The following ARHGEF2 variants were observed in gnomAD, a reference collection of about 807,000 sequenced individuals.
ARHGEF2 encodes the protein Rho/Rac guanine nucleotide exchange factor 2, also known as rho guanine nucleotide exchange factor 2.
In ARHGEF2, 22 loss-of-function variants were observed where a neutral mutation model predicts 121.0. That is an observed-to-expected ratio of 0.18 (90% CI 0.13 to 0.26). The LOEUF (loss-of-function observed/expected upper bound fraction) is 0.26. Among genes scored for constraint, ARHGEF2 ranks in the 10% least tolerant of loss-of-function variants. The pLI, the probability that ARHGEF2 is intolerant of heterozygous loss-of-function variation, is 1.00. For missense variants in ARHGEF2, 907 were observed against 1,336.0 expected, an observed-to-expected ratio of 0.68 and a Z score of 5.01; for synonymous variants, 487 against 530.0, an observed-to-expected ratio of 0.92 and a Z score of 1.11.
intron 14 of ARHGEF2, 89 bp downstream of exon 14, chr1:155,954,813 G>A: frequency 7.9e-7 from 1 of 1,269,196 alleles, no homozygotes; most frequent in Admixed American, 1.9e-5. Context: ...AGCCCTCATA[G>A]AGCCATCTCA....
At chr1:155,972,896 G>C (rs377044410) in intron 1 of ARHGEF2, among the ~76,000 whole-genome samples, 7 of 151,762 alleles carry the variant, frequency 4.6e-5, no homozygotes, top group African/African-American at 1.7e-4. Flanking sequence ...TAGAGACAGC[G>C]TCTTGCTATG....
chr1:155,978,638 C>A, upstream of ARHGEF2: 1 of 1,204,674 alleles, frequency 8.3e-7, no homozygotes, highest in Non-Finnish European at 1.0e-6. This position sits in a 1 kb window ranked among gnomAD's most constrained non-coding sequence, Gnocchi z 4.1. Flanking sequence ...GGAGGGAGGG[C>A]GGGGTGCCCG....
At chr1:155,964,189 T>TATATAC (rs1678820825) in intron 7 of ARHGEF2, among the ~76,000 whole-genome samples, 2 of 125,540 alleles carry the variant, frequency 1.6e-5, no homozygotes, top group African/African-American at 6.8e-5. Flanking sequence ...TATATATATA[T>TATATAC]ATATATATAC....
At chr1:155,967,811 C>T (rs1356080787) in intron 2 of ARHGEF2, among the ~76,000 whole-genome samples, 1 of 152,174 alleles carries the variant, frequency 6.6e-6, no homozygotes, top group Non-Finnish European at 1.5e-5. Context: ...CAGCTCCCGG[C>T]CCTCTCCAGC....
intron 12 of ARHGEF2, 52 bp from the exon 13 acceptor site, chr1:155,957,934 A>G (rs1404529000): frequency 6.4e-7 from 1 of 1,569,738 alleles, no homozygotes; most frequent in Non-Finnish European, 8.7e-7. Context: ...GTCCCTTGGC[A>G]TATTTAGGCC....
chr1:155,962,738 G>A lies in ARHGEF2; in HGVS notation c.976-20C>T. 2 of 1,613,980 alleles carry A rather than the reference G, an allele frequency of 1.2e-6. No homozygotes were observed. Among genetic ancestry groups the A allele is most frequent in the Non-Finnish European group, 1.7e-6 (2 of 1,179,914 alleles). On this transcript the variant is annotated intron_variant, in intron 8 of 21. Transcript: ENST00000361247. The surrounding 1 kb of genome is among the most constrained non-coding windows in gnomAD (Gnocchi z 5.8). Reference sequence around the variant, plus strand: ...TGAGAACTAGAAGTTGGTCGAGTAAGGTTAGGTCAGCATTCCCCCAAAGCC... The same window carrying A: ...TGAGAACTAGAAGTTGGTCGAGTAAAGTTAGGTCAGCATTCCCCCAAAGCC...
At chr1:155,964,387 A>C (rs897489082) in intron 7 of ARHGEF2, among the ~76,000 whole-genome samples, 8 of 151,152 alleles carry the variant, frequency 5.3e-5, no homozygotes, top group Non-Finnish European at 8.8e-5. Flanking sequence ...GCTGTGAGCT[A>C]TTTTAGGGTA....
In ARHGEF2 at chr1:155,963,091, G is replaced by C; in HGVS notation, c.817C>G (p.Pro273Ala). 3 of 1,614,078 alleles carry C rather than the reference G, an allele frequency of 1.9e-6. No individual in the cohort carries two copies. The highest frequency in any genetic ancestry group is 2.5e-6 in the Non-Finnish European group (3 of 1,180,012). The change falls in exon 8 of 22, where the codon CCA (proline) becomes GCA (alanine). Residue 273 changes from proline to alanine, a missense_variant. This residue lies in a region of ARHGEF2 where 475 missense variants were observed against 776.5 expected (regional missense o/e 0.61). Coordinates refer to ENST00000361247, the MANE Select transcript of ARHGEF2 (RefSeq NM_001162383.2). ...TGMLEELHLE[P>A]GVVQGLFPCV... ...GGGAACAGGCCCTGGACCACTCCTG[G>C]CTCCAAGTGTAGCTCTTCCAGCATC...
At position 155,978,499 on chromosome 1, in the gene ARHGEF2, G is replaced by T; in HGVS notation, c.-72C>A. 1 of 1,351,544 alleles carries T rather than the reference G, an allele frequency of 7.4e-7. No individual in the cohort carries two copies. The highest frequency in any genetic ancestry group is 9.7e-7 in the Non-Finnish European group (1 of 1,035,916). The allele number at this position is 1,351,544 out of a possible 1,614,324, so 83.7% of individuals were successfully genotyped here. ...CTGTATTGTTGGGGGAAGGCGGGGG[G>T]AGGGGTTCGGCCCGCACGCGTTGGT... On this transcript the variant is annotated 5_prime_UTR_variant, in exon 1 of 22. Coordinates refer to ENST00000361247, the MANE Select transcript of ARHGEF2 (RefSeq NM_001162383.2). The surrounding 1 kb of genome is among the most constrained non-coding windows in gnomAD (Gnocchi z 4.1).
At chr1:155,977,718 T>G (rs1287443265) in intron 1 of ARHGEF2, among the ~76,000 whole-genome samples, 1 of 152,092 alleles carries the variant, frequency 6.6e-6, no homozygotes, top group Admixed American at 6.5e-5. Flanking sequence ...GAGGTGATGG[T>G]TTGGGGGAAG....
Position 155,947,064 on chromosome 1 carries a change from A to C in ARHGEF2, c.*878T>G, listed in dbSNP as rs1674535974. 1 of 219,660 alleles carries C rather than the reference A, an allele frequency of 4.6e-6. No individual in the cohort carries two copies. The highest frequency in any genetic ancestry group is 9.4e-6 in the Non-Finnish European group (1 of 106,284). 13.6% of individuals were successfully genotyped at this position (219,660 alleles called of 1,614,324 possible). On this transcript the variant is annotated 3_prime_UTR_variant, in exon 22 of 22. Coordinates refer to ENST00000361247, the MANE Select transcript of ARHGEF2 (RefSeq NM_001162383.2). Reference sequence around the variant, plus strand: ...TTGGAGATTTTCCAACCCACCCTAGAACTTGTTTCTAAATGGCTGGGGAAG... The same window carrying C: ...TTGGAGATTTTCCAACCCACCCTAGCACTTGTTTCTAAATGGCTGGGGAAG...
chr1:155,966,621 C>T lies in ARHGEF2; in HGVS notation c.277-142G>A, dbSNP rs1199365903. ...GGTTAAGGGGATCAGGGTGATTGAGCCCAGTGCTGTGGGGACATGTCTGCA... is the reference window on the plus strand; with the variant it reads ...GGTTAAGGGGATCAGGGTGATTGAGTCCAGTGCTGTGGGGACATGTCTGCA... On this transcript the variant is annotated intron_variant, in intron 3 of 21. Transcript: ENST00000361247. The T allele has an allele frequency of 3.7e-6, 4 of 1,083,074 alleles. No homozygotes were observed. In the East Asian group the frequency reaches 9.7e-5, roughly 26 times the overall value. The allele number at this position is 1,083,074 out of a possible 1,614,324, so 67.1% of individuals were successfully genotyped here. A position where few individuals can be genotyped will look rare whatever the true frequency, so the allele number is the denominator to read the frequency against.
intron 21 of ARHGEF2, among the ~76,000 whole-genome samples, chr1:155,948,775 T>C (rs1262161134): frequency 2.6e-5 from 4 of 152,142 alleles, no homozygotes; most frequent in Admixed American, 2.6e-4. Flanking sequence ...CTCTCTAACA[T>C]AAAAAATTTT....
At chr1:155,968,991 G>T in intron 2 of ARHGEF2, 165 bp downstream of exon 2, 1 of 775,532 alleles carries the variant, frequency 1.3e-6, no homozygotes, top group Non-Finnish European at 2.1e-6. Flanking sequence ...ACCCCTCAGA[G>T]TGAGGACAGG....
chr1:155,974,144 C>A (rs1389810425), intron 1 of ARHGEF2, among the ~76,000 whole-genome samples: 2 of 152,140 alleles, frequency 1.3e-5, no homozygotes, highest in Non-Finnish European at 2.9e-5. Flanking sequence ...CCTTGGTCTT[C>A]CAAAATGCTA....
chr1:155,971,294 C>A (rs1680406509), intron 1 of ARHGEF2, among the ~76,000 whole-genome samples: 1 of 152,108 alleles, frequency 6.6e-6, no homozygotes, highest in South Asian at 2.1e-4. Context: ...AGTTCAAATT[C>A]AGGCTGGGTG....
chr1:155,951,649 C>T lies in ARHGEF2; in HGVS notation c.2208+92G>A, dbSNP rs896789401. On this transcript the variant is annotated intron_variant, in intron 18 of 21. Coordinates refer to ENST00000361247, the MANE Select transcript of ARHGEF2 (RefSeq NM_001162383.2). This position sits in a 1 kb window ranked among gnomAD's most constrained non-coding sequence, Gnocchi z 5.1. Reference sequence around the variant, plus strand: ...ATCCGGAGACATACTTGAATGTAGACGCTTTCCCCACCCCACTCCAAACTG... The same window carrying T: ...ATCCGGAGACATACTTGAATGTAGATGCTTTCCCCACCCCACTCCAAACTG... 1.9e-5 allele frequency: 30 copies of T among 1,606,068 alleles called. No homozygotes were observed. Among genetic ancestry groups the T allele is most frequent in the South Asian group, 1.2e-4 (11 of 90,860 alleles).
At chr1:155,954,787 G>C in intron 14 of ARHGEF2, 115 bp downstream of exon 14, 1 of 934,666 alleles carries the variant, frequency 1.1e-6, no homozygotes, top group Non-Finnish European at 1.6e-6. Flanking sequence ...ATATGTTTCA[G>C]TTGTGGATCT....
rs569538463 is a variant in ARHGEF2 at position 155,949,743 on chromosome 1, G to A, written c.2887+556C>T. On this transcript the variant is annotated intron_variant, in intron 21 of 21. Transcript: ENST00000361247. ...AATACAAAAATTAGCTGGGCGTGGC[G>A]GTGGGCGCCTGTAATCCTAGCTACT... 7.2e-5 allele frequency among the ~76,000 whole-genome samples: 11 copies of A among 151,940 alleles called. No homozygotes were observed. In the East Asian group the frequency reaches 1.6e-3, roughly 22 times the overall value.
Sources: gnomAD v4.1 joint callset for allele counts (sites outside exome capture counted in the v4.1 genomes callset) on GRCh38, gnomAD v4.1.1 for gene constraint, gnomAD v4.1.1 regional missense constraint, Gnocchi (gnomAD v3.1) non-coding constraint, MANE v1.5 for transcripts, NCBI Gene and HGNC (gene_info 2026-07-23, HGNC 2026-07-21) for gene names.